AGBL4: variants seen among roughly 807,000 people sequenced by gnomAD.
AGBL4 encodes the protein AGBL carboxypeptidase 4.
Under a neutral mutation model 66.4 loss-of-function variants are expected in AGBL4, and 58 were observed. That is an observed-to-expected ratio of 0.87 (90% CI 0.71 to 1.09). The LOEUF is 1.09. Among genes scored for constraint, AGBL4 ranks in the 50% least tolerant of loss-of-function variants. The pLI is 0.00. For synonymous variants in AGBL4, 234 were observed against 222.9 expected (o/e 1.05, Z -0.44); for missense variants, 579 against 631.0 (o/e 0.92, Z 0.88).
intron 6 of AGBL4, among the ~76,000 whole-genome samples, chr1:48,674,633 C>T (rs1646335681): frequency 6.6e-6 from 1 of 152,122 alleles, no homozygotes. Flanking sequence ...GGGAAAGTCA[C>T]TCAACCTGTG....
At chr1:49,133,799 G>A (rs1645950024) in intron 4 of AGBL4, among the ~76,000 whole-genome samples, 1 of 152,054 alleles carries the variant, frequency 6.6e-6, no homozygotes, top group Admixed American at 6.6e-5. Flanking sequence ...GATAATAGGT[G>A]ATGTATAAGA....
At chr1:49,738,005 C>A (rs1418242825) in intron 2 of AGBL4, among the ~76,000 whole-genome samples, 2 of 152,196 alleles carry the variant, frequency 1.3e-5, no homozygotes, top group African/African-American at 2.4e-5. Flanking sequence ...CGAGCGTGAG[C>A]ATTTCCAACT....
chr1:49,832,410 G>A (rs901443073), intron 2 of AGBL4, among the ~76,000 whole-genome samples: 22 of 150,336 alleles, frequency 1.5e-4, no homozygotes, highest in Non-Finnish European at 3.0e-4. Flanking sequence ...TGGACATTTG[G>A]CTTGGTTCCA....
intron 1 of AGBL4, among the ~76,000 whole-genome samples, chr1:49,937,494 T>C (rs1654205212): frequency 1.3e-5 from 2 of 152,186 alleles, no homozygotes; most frequent in African/African-American, 2.4e-5. Flanking sequence ...GCAGACCTAA[T>C]AGACATCTAC....
chr1:49,854,044 TTCAA>T lies in AGBL4; in HGVS notation c.35-2530_35-2527del, dbSNP rs551894468. 1.6e-3 allele frequency among the ~76,000 whole-genome samples: 238 copies of T among 152,162 alleles called. 1 individual carries two copies. The highest frequency in any genetic ancestry group is 4.9e-3 in the African/African-American group (203 of 41,534). On this transcript the variant is annotated intron_variant, in intron 1 of 13. Coordinates refer to ENST00000371839, the MANE Select transcript of AGBL4 (RefSeq NM_032785.4). Reference sequence around the variant, plus strand: ...AAAGGTAAATATAAATTTTCTTATTTTCAATCACTCTAAAAGATAAATCACTATA... The same window carrying T: ...AAAGGTAAATATAAATTTTCTTATTTTCACTCTAAAAGATAAATCACTATA...
intron 5 of AGBL4, among the ~76,000 whole-genome samples, chr1:48,970,771 A>G (rs1310495799): frequency 6.6e-6 from 1 of 152,174 alleles, no homozygotes; most frequent in Non-Finnish European, 1.5e-5. Context: ...GGGTAGTGGA[A>G]TAAGCACAGC....
intron 3 of AGBL4, among the ~76,000 whole-genome samples, chr1:49,654,550 G>T (rs1172962068): frequency 6.6e-6 from 1 of 152,112 alleles, no homozygotes; most frequent in African/African-American, 2.4e-5. Context: ...ATTATTGTGT[G>T]GGAGTCTAAG....
chr1:49,747,098 C>G (rs1168127391), intron 2 of AGBL4, among the ~76,000 whole-genome samples: 1 of 152,100 alleles, frequency 6.6e-6, no homozygotes, highest in African/African-American at 2.4e-5. Flanking sequence ...TTAGTCAAAC[C>G]CACTTTATGC....
intron 2 of AGBL4, among the ~76,000 whole-genome samples, chr1:49,803,926 G>A (rs904230602): frequency 5.3e-5 from 8 of 152,078 alleles, no homozygotes; most frequent in African/African-American, 1.9e-4. Context: ...CTATTAGAAA[G>A]AAGTTAAAAC....
chr1:49,462,568 C>T (rs1161592003), intron 3 of AGBL4, among the ~76,000 whole-genome samples: 1 of 151,712 alleles, frequency 6.6e-6, no homozygotes, highest in African/African-American at 2.4e-5. Context: ...TCAGCTGCCA[C>T]AAGCTCTTCA....
intron 3 of AGBL4, among the ~76,000 whole-genome samples, chr1:49,260,529 C>T (rs2148359698): frequency 6.6e-6 from 1 of 152,238 alleles, no homozygotes; most frequent in Non-Finnish European, 1.5e-5. Flanking sequence ...ACTACAAACA[C>T]CTCTACACAA....
chr1:49,358,976 G>C (rs1644077996), intron 3 of AGBL4, among the ~76,000 whole-genome samples: 3 of 152,130 alleles, frequency 2.0e-5, no homozygotes, highest in Admixed American at 6.5e-5. Flanking sequence ...CATCTCAAGA[G>C]GAAATGTACT....
intron 3 of AGBL4, among the ~76,000 whole-genome samples, chr1:49,351,648 A>G (rs1040861186): frequency 2.0e-5 from 3 of 152,160 alleles, no homozygotes; most frequent in Non-Finnish European, 4.4e-5. Context: ...GTGATGAAAG[A>G]TCTCAGATTT....
At chr1:48,764,279 C>T (rs1644420021) in intron 6 of AGBL4, among the ~76,000 whole-genome samples, 1 of 152,190 alleles carries the variant, frequency 6.6e-6, no homozygotes, top group African/African-American at 2.4e-5. Context: ...TAATTTACTT[C>T]TCTGAGACTA....
chr1:49,757,328 G>C (rs1420631887), intron 2 of AGBL4, among the ~76,000 whole-genome samples: 1 of 152,170 alleles, frequency 6.6e-6, no homozygotes, highest in Non-Finnish European at 1.5e-5. Flanking sequence ...GTGTAAAAAT[G>C]AACTAATACA....
chr1:49,423,916 T>C (rs778962278), intron 3 of AGBL4, among the ~76,000 whole-genome samples: 3 of 151,020 alleles, frequency 2.0e-5, no homozygotes, highest in Non-Finnish European at 2.9e-5. Flanking sequence ...GTGAATAAAA[T>C]AGGCAAAATC....
At chr1:48,827,262 G>A (rs750835521) in intron 6 of AGBL4, among the ~76,000 whole-genome samples, 4 of 152,124 alleles carry the variant, frequency 2.6e-5, no homozygotes, top group Admixed American at 6.5e-5. Context: ...AGCAGGTCTC[G>A]ATATAGCCAA....
chr1:49,449,038 A>C (rs1646220698), intron 3 of AGBL4, among the ~76,000 whole-genome samples: 1 of 152,038 alleles, frequency 6.6e-6, no homozygotes, highest in African/African-American at 2.4e-5. Context: ...AATAAATGTA[A>C]AATGAATTTA....
chr1:49,382,301 A>G (rs990118295), intron 3 of AGBL4, among the ~76,000 whole-genome samples: 3 of 152,200 alleles, frequency 2.0e-5, no homozygotes, highest in Admixed American at 6.5e-5. Context: ...ATTGTTTACC[A>G]AATGCACATT....
Sources: gnomAD v4.1 joint callset for allele counts (sites outside exome capture counted in the v4.1 genomes callset) on GRCh38, gnomAD v4.1.1 for gene constraint, MANE v1.5 for transcripts, NCBI Gene and HGNC (gene_info 2026-07-23, HGNC 2026-07-21) for gene names.